SH3BP4: variants seen among roughly 807,000 people sequenced by gnomAD.
The protein encoded by SH3BP4 is SH3 domain-binding protein 4.
In SH3BP4, 33 loss-of-function variants were observed where a neutral mutation model predicts 65.5. The observed-to-expected ratio is 0.50, with a 90% CI of 0.38 to 0.67. The LOEUF (loss-of-function observed/expected upper bound fraction) is 0.67. SH3BP4 is among the 30% of genes least tolerant of loss of function. The pLI, the probability that SH3BP4 is intolerant of heterozygous loss-of-function variation, is 0.00. For synonymous variants in SH3BP4, 552 were observed against 545.5 expected, an observed-to-expected ratio of 1.01 and a Z score of -0.17; for missense variants, 1,134 against 1,261.4, an observed-to-expected ratio of 0.90 and a Z score of 1.53.
intron 1 of SH3BP4, among the ~76,000 whole-genome samples, chr2:234,984,481 T>G (rs568256700): frequency 2.0e-5 from 3 of 152,068 alleles, no homozygotes; most frequent in Non-Finnish European, 2.9e-5. Flanking sequence ...GGTGTAGAAA[T>G]TACAGGCATG....
At chr2:234,990,697 C>T (rs1574797945) in intron 1 of SH3BP4, among the ~76,000 whole-genome samples, 3 of 152,154 alleles carry the variant, frequency 2.0e-5, no homozygotes, top group South Asian at 2.1e-4. Flanking sequence ...TGGGCAGAGC[C>T]GTGAGAATTA....
intron 1 of SH3BP4, among the ~76,000 whole-genome samples, chr2:234,971,956 A>G (rs138276747): frequency 0.011 from 1,657 of 151,688 alleles, 15 homozygotes; most frequent in African/African-American, 0.013. Flanking sequence ...AGCTGAGACT[A>G]CAGGCGTGTG....
chr2:235,041,899 T>C lies in SH3BP4; in HGVS notation c.1130T>C (p.Val377Ala). ...GACAGGTCCTGCAGCATCAGCCCTG[T>C]GCTGGAGGTCAAGCTGAGCAACCTG... The part of the protein sequence containing the change: ...NSDRSCSISP[V>A]LEVKLSNLEV... The change falls in exon 4 of 6, where the codon GTG (valine) becomes GCG (alanine). Residue 377 changes from valine (V) to alanine (A), a missense_variant. Val to Ala is a moderately conservative substitution (Grantham distance 64). Coordinates refer to ENST00000392011, the MANE Select transcript of SH3BP4 (RefSeq NM_014521.3). The surrounding 1 kb of genome is among the most constrained non-coding windows in gnomAD (Gnocchi z 6.0). 1.2e-6 allele frequency: 2 copies of C among 1,613,446 alleles called. No individual in the cohort carries two copies. Among genetic ancestry groups the C allele is most frequent in the Non-Finnish European group, 8.5e-7 (1 of 1,179,758 alleles).
chr2:234,953,942 T>A (rs1050714580), intron 1 of SH3BP4, among the ~76,000 whole-genome samples: 1 of 151,694 alleles, frequency 6.6e-6, no homozygotes, highest in Admixed American at 6.6e-5. Context: ...TTTCTTAAAG[T>A]AAGGGGGCAG....
intron 1 of SH3BP4, among the ~76,000 whole-genome samples, chr2:234,954,549 TCTTA>T (rs1171792580): frequency 1.3e-5 from 2 of 152,212 alleles, no homozygotes; most frequent in African/African-American, 4.8e-5. Context: ...TGTATTGTGC[TCTTA>T]CTTTTCTCTG....
intron 2 of SH3BP4, among the ~76,000 whole-genome samples, chr2:235,016,512 C>CA (rs1450633377): frequency 1.3e-5 from 2 of 151,936 alleles, no homozygotes; most frequent in African/African-American, 4.8e-5. Context: ...CTTTTCTTTT[C>CA]TTTTTTTTCT....
At chr2:234,983,077 C>T (rs1055644799) in intron 1 of SH3BP4, among the ~76,000 whole-genome samples, 4 of 152,180 alleles carry the variant, frequency 2.6e-5, no homozygotes, top group African/African-American at 9.7e-5. Context: ...GCAGCTGCTG[C>T]TGAGCACTAG....
chr2:235,035,731 G>A lies in SH3BP4; in HGVS notation c.118+611G>A, dbSNP rs1695357827. On this transcript the variant is annotated intron_variant, in intron 3 of 5. Coordinates refer to ENST00000392011, the MANE Select transcript of SH3BP4 (RefSeq NM_014521.3). This position sits in a 1 kb window ranked among gnomAD's most constrained non-coding sequence, Gnocchi z 5.0. ...GTGGTTCTAAAGTTTAATAACCCTGGGTCTCTGGGTTTCTCCAGTGGCCTC... is the reference window on the plus strand; with the variant it reads ...GTGGTTCTAAAGTTTAATAACCCTGAGTCTCTGGGTTTCTCCAGTGGCCTC... Among the ~76,000 whole-genome samples the A allele has an allele frequency of 6.6e-6, 1 of 152,168 alleles. No homozygotes were observed. Among genetic ancestry groups the A allele is most frequent in the African/African-American group, 2.4e-5 (1 of 41,420 alleles).
intron 1 of SH3BP4, among the ~76,000 whole-genome samples, chr2:234,972,058 A>G (rs944341944): frequency 3.4e-5 from 5 of 146,236 alleles, no homozygotes; most frequent in African/African-American, 1.3e-4. Flanking sequence ...CTCATGATCC[A>G]CCCGTCTCAG....
chr2:235,024,289 G>A (rs981767006), intron 2 of SH3BP4, among the ~76,000 whole-genome samples: 7 of 152,192 alleles, frequency 4.6e-5, no homozygotes, highest in African/African-American at 1.2e-4. Flanking sequence ...CCTAAGCGAC[G>A]CCCTGAGGGC....
chr2:235,017,835 T>G (rs1207062332), intron 2 of SH3BP4, among the ~76,000 whole-genome samples: 9 of 152,200 alleles, frequency 5.9e-5, no homozygotes, highest in African/African-American at 2.2e-4. Context: ...AATGTTGGTT[T>G]TAGGTTGAAC....
Position 235,043,216 on chromosome 2 carries a change from A to C in SH3BP4, c.2447A>C (p.Glu816Ala), listed in dbSNP as rs771204491. 6.3e-7 allele frequency: 1 copy of C among 1,585,476 alleles called. No individual in the cohort carries two copies. Among genetic ancestry groups the C allele is most frequent in the East Asian group, 2.3e-5 (1 of 44,342 alleles). Residue 816 changes from glutamate (E) to alanine (A), a missense_variant, in exon 4 of 6, where the codon GAA becomes GCA. Coordinates refer to ENST00000392011, the MANE Select transcript of SH3BP4 (RefSeq NM_014521.3). ...KEDCNNTENK[E>A]RKSFQKELVM... Reference sequence around the variant, plus strand: ...GACTGTAACAACACTGAGAACAAAGAACGGAAGTCCTTCCAGAAGGAGCTT... The same window carrying C: ...GACTGTAACAACACTGAGAACAAAGCACGGAAGTCCTTCCAGAAGGAGCTT...
chr2:235,031,462 C>T (rs992000385), intron 2 of SH3BP4, among the ~76,000 whole-genome samples: 1 of 152,218 alleles, frequency 6.6e-6, no homozygotes, highest in African/African-American at 2.4e-5. Flanking sequence ...AACGACATTG[C>T]TGCTTCCATC....
At chr2:234,957,774 A>G (rs1217507872) in intron 1 of SH3BP4, among the ~76,000 whole-genome samples, 1 of 152,016 alleles carries the variant, frequency 6.6e-6, no homozygotes, top group African/African-American at 2.4e-5. Flanking sequence ...AATTTGTTCA[A>G]GAAGAAAGCT....
chr2:235,028,532 G>A (rs1695074715), intron 2 of SH3BP4, among the ~76,000 whole-genome samples: 1 of 152,200 alleles, frequency 6.6e-6, no homozygotes, highest in African/African-American at 2.4e-5. Flanking sequence ...AGTTACCTCT[G>A]AAACAGTCAT....
intron 1 of SH3BP4, among the ~76,000 whole-genome samples, chr2:234,990,976 C>G (rs1056626192): frequency 6.6e-5 from 10 of 152,152 alleles, no homozygotes; most frequent in Non-Finnish European, 1.3e-4. Flanking sequence ...GAAACTCCCC[C>G]CTTTTATAAA....
intron 3 of SH3BP4, among the ~76,000 whole-genome samples, chr2:235,038,188 C>CAT (rs1362581675): frequency 5.4e-5 from 7 of 129,028 alleles, no homozygotes; most frequent in Admixed American, 9.2e-5. Context: ...ACACATATTT[C>CAT]ATATATATAT....
At chr2:235,017,895 G>T (rs558222582) in intron 2 of SH3BP4, among the ~76,000 whole-genome samples, 57 of 152,212 alleles carry the variant, frequency 3.7e-4, no homozygotes, top group African/African-American at 7.9e-4. Flanking sequence ...TTCCTGAAAC[G>T]CAGCAAGACT....
rs1211739308 is a variant in SH3BP4, at chr2:235,035,786, T to C, written c.118+666T>C. On this transcript the variant is annotated intron_variant, in intron 3 of 5. Transcript: ENST00000392011. The surrounding 1 kb of genome is among the most constrained non-coding windows in gnomAD (Gnocchi z 5.0). ...AATTGAGTTCATGAGAAAACCTATCTTTTGGACACCAAGGTGAATACTAGC... is the reference window on the plus strand; with the variant it reads ...AATTGAGTTCATGAGAAAACCTATCCTTTGGACACCAAGGTGAATACTAGC... 6.6e-6 allele frequency among the ~76,000 whole-genome samples: 1 copy of C among 152,212 alleles called. No individual in the cohort carries two copies. The highest frequency in any genetic ancestry group is 1.5e-5 in the Non-Finnish European group (1 of 68,028).
Sources: gnomAD v4.1 joint callset for allele counts (sites outside exome capture counted in the v4.1 genomes callset) on GRCh38, gnomAD v4.1.1 for gene constraint, Gnocchi (gnomAD v3.1) non-coding constraint, MANE v1.5 for transcripts, NCBI Gene and HGNC (gene_info 2026-07-23, HGNC 2026-07-21) for gene names.